The following CDH12 variants were observed in gnomAD, a reference collection of about 807,000 sequenced individuals.
CDH12 encodes the protein cadherin 12.
CDH12 carries 41 observed loss-of-function variants against 74.1 expected under a neutral mutation model. That is an observed-to-expected ratio of 0.55 (90% confidence interval 0.43 to 0.72). The LOEUF (loss-of-function observed/expected upper bound fraction) is 0.72. Among genes scored for constraint, CDH12 ranks in the 30% least tolerant of loss-of-function variants. The pLI is 0.00. For missense variants in CDH12, 945 were observed against 977.2 expected, an observed-to-expected ratio of 0.97 and a Z score of 0.44; for synonymous variants, 399 against 355.0, an observed-to-expected ratio of 1.12 and a Z score of -1.39.
intron 1 of CDH12, among the ~76,000 whole-genome samples, chr5:22,526,748 G>A (rs1442050418): frequency 1.3e-5 from 2 of 152,072 alleles, no homozygotes; most frequent in African/African-American, 4.8e-5. Flanking sequence ...AATAATCTTC[G>A]CAGTCCCTCC....
chr5:21,926,937 C>T (rs952520379), intron 6 of CDH12, among the ~76,000 whole-genome samples: 5 of 152,108 alleles, frequency 3.3e-5, no homozygotes, highest in Non-Finnish European at 5.9e-5. Context: ...TTTGAGGAAA[C>T]AGCATATGAG....
intron 5 of CDH12, among the ~76,000 whole-genome samples, chr5:21,977,566 T>C (rs1347107676): frequency 6.6e-6 from 1 of 152,138 alleles, no homozygotes; most frequent in Non-Finnish European, 1.5e-5. Flanking sequence ...GTGATACAAG[T>C]AGAATTTTAA....
chr5:22,092,185 T>A (rs189675221), intron 4 of CDH12, among the ~76,000 whole-genome samples: 2 of 152,072 alleles, frequency 1.3e-5, no homozygotes, highest in East Asian at 4.0e-4. Flanking sequence ...GTAAGATTCT[T>A]ACACACAAAC....
chr5:22,648,124 G>C (rs990250393), intron 1 of CDH12, among the ~76,000 whole-genome samples: 4 of 151,692 alleles, frequency 2.6e-5, no homozygotes, highest in African/African-American at 9.7e-5. Context: ...ATATACAGAA[G>C]ATAAATTTTG....
At chr5:22,538,320 C>G (rs530443664) in intron 1 of CDH12, among the ~76,000 whole-genome samples, 47 of 152,320 alleles carry the variant, frequency 3.1e-4, no homozygotes, top group African/African-American at 1.1e-3. Context: ...AAATATTTCT[C>G]AGGCAAATTC....
chr5:22,091,868 T>A (rs1321290785), intron 4 of CDH12, among the ~76,000 whole-genome samples: 1 of 151,824 alleles, frequency 6.6e-6, no homozygotes, highest in Non-Finnish European at 1.5e-5. Flanking sequence ...CCAGAAGCCA[T>A]AGAAAGGAAT....
chr5:21,899,770 C>T (rs1753297540), intron 6 of CDH12, among the ~76,000 whole-genome samples: 1 of 141,472 alleles, frequency 7.1e-6, no homozygotes, highest in Non-Finnish European at 1.6e-5. Flanking sequence ...ATAATAATAA[C>T]ATTCTTCTAG....
chr5:22,737,951 G>T (rs978528212), intron 1 of CDH12, among the ~76,000 whole-genome samples: 2 of 152,054 alleles, frequency 1.3e-5, no homozygotes, highest in Admixed American at 6.6e-5. Flanking sequence ...ACACTTTTGA[G>T]AGTGGGGTAA....
At chr5:22,664,414 G>T (rs138883075) in intron 1 of CDH12, among the ~76,000 whole-genome samples, 1 of 152,218 alleles carries the variant, frequency 6.6e-6, no homozygotes, top group Admixed American at 6.5e-5. Context: ...AAGCGAAGGG[G>T]AGAAAAGCCC....
intron 3 of CDH12, among the ~76,000 whole-genome samples, chr5:22,289,657 T>C (rs573185560): frequency 2.0e-5 from 3 of 152,218 alleles, no homozygotes; most frequent in East Asian, 3.9e-4. Context: ...ATGAAAAATA[T>C]GCATTGAAGA....
chr5:22,445,873 A>G (rs1744797705), intron 2 of CDH12, among the ~76,000 whole-genome samples: 1 of 152,236 alleles, frequency 6.6e-6, no homozygotes, highest in Non-Finnish European at 1.5e-5. Context: ...GTTCCTCTAC[A>G]TAAGCAAATG....
chr5:22,097,714 T>C (rs372203560), intron 4 of CDH12, among the ~76,000 whole-genome samples: 90 of 151,872 alleles, frequency 5.9e-4, no homozygotes, highest in African/African-American at 2.1e-3. Context: ...CCCTTGTATC[T>C]CCCCACCTAA....
rs1031880107 is a variant in CDH12, at chr5:22,325,569, T to C, written c.-333+79688A>G. 1.5e-4 allele frequency among the ~76,000 whole-genome samples: 14 copies of C among 93,252 alleles called. 1 individual carries two copies. In the South Asian group the frequency reaches 6.1e-3, roughly 41 times the overall value. The allele number at this position is 93,252 out of a possible 152,430, so 61.2% of individuals were successfully genotyped here. A position where few individuals can be genotyped will look rare whatever the true frequency, so the allele number is the denominator to read the frequency against. ...ACTTCATTCACCACTCTGAATCATT[T>C]CTTTGTGTAAGTAATGTAAAAACAA... is the stretch of plus-strand genomic sequence containing the variant. On this transcript the variant is annotated intron_variant, in intron 3 of 14. Coordinates refer to ENST00000382254, the MANE Select transcript of CDH12 (RefSeq NM_004061.5).
At chr5:22,712,299 C>A (rs188183557) in intron 1 of CDH12, among the ~76,000 whole-genome samples, 1 of 151,948 alleles carries the variant, frequency 6.6e-6, no homozygotes, top group African/African-American at 2.4e-5. Context: ...CACTTCTGCT[C>A]CCAAATCAGT....
At chr5:22,596,676 C>A (rs1299205876) in intron 1 of CDH12, among the ~76,000 whole-genome samples, 1 of 152,136 alleles carries the variant, frequency 6.6e-6, no homozygotes, top group African/African-American at 2.4e-5. Context: ...AATATTTTAA[C>A]ACATGATCTT....
At chr5:22,323,645 C>A (rs1738974792) in intron 3 of CDH12, among the ~76,000 whole-genome samples, 1 of 152,124 alleles carries the variant, frequency 6.6e-6, no homozygotes, top group Non-Finnish European at 1.5e-5. Context: ...GACTAGTGCT[C>A]TGTAAGTACA....
intron 6 of CDH12, among the ~76,000 whole-genome samples, chr5:21,959,706 G>A (rs1354303719): frequency 2.8e-5 from 4 of 143,390 alleles, no homozygotes; most frequent in African/African-American, 5.2e-5. Flanking sequence ...TCAGGAGATC[G>A]AGACCATCCT....
chr5:22,325,276 T>C (rs1014639485), intron 3 of CDH12, among the ~76,000 whole-genome samples: 9 of 152,186 alleles, frequency 5.9e-5, no homozygotes, highest in African/African-American at 2.2e-4. Flanking sequence ...TGTGATATAA[T>C]GAATACAAGT....
chr5:22,049,490 C>G (rs577190065), intron 5 of CDH12, among the ~76,000 whole-genome samples: 2 of 152,088 alleles, frequency 1.3e-5, no homozygotes, highest in South Asian at 4.1e-4. Context: ...TTTTTCCTTG[C>G]CTAAGTTCAG....
Sources: allele counts gnomAD v4.1 joint callset (sites outside exome capture counted in the v4.1 genomes callset), GRCh38; gene constraint gnomAD v4.1.1; transcripts MANE v1.5; gene names NCBI Gene and HGNC (gene_info 2026-07-23, HGNC 2026-07-21).